The following CD34 variants were observed in gnomAD, a reference collection of about 807,000 sequenced individuals.
The protein encoded by CD34 is CD34 molecule.
Under a neutral mutation model 40.1 loss-of-function variants are expected in CD34, and 34 were observed. The ratio of observed to expected loss-of-function variants is 0.85; its 90% CI spans 0.65 to 1.13. The LOEUF (loss-of-function observed/expected upper bound fraction) is 1.13. Among genes scored for constraint, CD34 ranks in the 50% most tolerant of loss-of-function variants. The probability of loss-of-function intolerance (pLI) is 0.00; values close to 1 mark genes in which losing one functional copy is unlikely to be tolerated. For synonymous variants in CD34, 209 were observed against 190.0 expected, an observed-to-expected ratio of 1.10 and a Z score of -0.82; for missense variants, 426 against 466.9, an observed-to-expected ratio of 0.91 and a Z score of 0.81.
chr1:207,899,187 G>A lies in CD34; in HGVS notation c.302C>T (p.Ser101Leu). ...VKFTSTSVIT[S>L]VYGNTNSSVQ... is the part of the protein sequence containing the mutation. The stretch of plus-strand genomic sequence containing the variant: ...AGAAGAGTTTGTGTTTCCATAAACT[G>A]AGGTTATCACAGAGGTAGATGTGAA... The change falls in exon 3 of 8, where the codon TCA becomes TTA. Residue 101 changes from serine to leucine, a missense_variant. Coordinates refer to ENST00000310833, the MANE Select transcript of CD34 (RefSeq NM_001025109.2). 1 of 1,614,134 alleles carries A rather than the reference G, an allele frequency of 6.2e-7. No individual in the cohort carries two copies. Among genetic ancestry groups the A allele is most frequent in the Non-Finnish European group, 8.5e-7 (1 of 1,179,940 alleles).
At chr1:207,905,507 C>T (rs1344191405) in intron 1 of CD34, among the ~76,000 whole-genome samples, 3 of 152,198 alleles carry the variant, frequency 2.0e-5, no homozygotes, top group African/African-American at 7.2e-5. Context: ...TATATGGCCC[C>T]TAAAGCCTAC....
At position 207,897,777 on chromosome 1, in the gene CD34, A is replaced by G. The variant is rs1175178427; in HGVS notation, c.517-204T>C. ...TCTATTTCATATCTATCCTCATCAG[A>G]TGACAAAACTTTTGTTACTAGCCTG... is the stretch of plus-strand genomic sequence containing the variant. On this transcript the variant is annotated intron_variant, in intron 3 of 7. Transcript: ENST00000310833. 2.0e-5 allele frequency among the ~76,000 whole-genome samples: 3 copies of G among 152,324 alleles called. No individual in the cohort carries two copies. In the East Asian group the frequency reaches 5.8e-4, roughly 29 times the overall value.
rs1477505082 is a variant in CD34 at position 207,883,991 on chromosome 1, T to C, written c.*3747A>G. 1 of 152,240 alleles carries C rather than the reference T, an allele frequency of 6.6e-6. No individual in the cohort carries two copies. The highest frequency in any genetic ancestry group is 1.5e-5 in the Non-Finnish European group (1 of 68,078). The allele number at this position is 152,240 out of a possible 1,614,324, so 9.4% of individuals were successfully genotyped here. A position where few individuals can be genotyped will look rare whatever the true frequency, so the allele number is the denominator to read the frequency against. On this transcript the variant is annotated 3_prime_UTR_variant, in exon 8 of 8. Transcript: ENST00000310833. ...GACTTCTCTGCTCAAAACCCTCCAG[T>C]GGCTTCCCAATCTACAACTAAAAAG...
At chr1:207,904,398 G>T (rs1307399601) in intron 1 of CD34, among the ~76,000 whole-genome samples, 1 of 152,218 alleles carries the variant, frequency 6.6e-6, no homozygotes, top group Admixed American at 6.5e-5. Flanking sequence ...GCCACAGACT[G>T]TATCACCAGG....
At chr1:207,894,175 G>A (rs1662094906) in intron 4 of CD34, among the ~76,000 whole-genome samples, 2 of 152,208 alleles carry the variant, frequency 1.3e-5, no homozygotes, top group South Asian at 4.1e-4. Flanking sequence ...GATGAATGGA[G>A]AAGCAAAACA....
Position 207,884,928 on chromosome 1 carries a change from T to G in CD34, c.*2810A>C, listed in dbSNP as rs1223151169. On this transcript the variant is annotated 3_prime_UTR_variant, in exon 8 of 8. Coordinates refer to ENST00000310833, the MANE Select transcript of CD34 (RefSeq NM_001025109.2). ...ACACTGCCACACTGGCTTCATGACA[T>G]CCAACTGGAGTAACACGGAGGACTC... The G allele has an allele frequency of 1.3e-5, 2 of 152,058 alleles. No homozygotes were observed. Among genetic ancestry groups the G allele is most frequent in the African/African-American group, 4.8e-5 (2 of 41,378 alleles). The allele number at this position is 152,058 out of a possible 1,614,324, so 9.4% of individuals were successfully genotyped here. A position where few individuals can be genotyped will look rare whatever the true frequency, so the allele number is the denominator to read the frequency against.
chr1:207,899,991 A>T lies in CD34; in HGVS notation c.92T>A (p.Met31Lys). ...CLLSLLPSGF[M>K]SLDNNGTATP... is the part of the protein sequence containing the mutation. ...AGCAGTACCGTTGTTGTCAAGACTC[A>T]TGAACCCAGAAGCTATAGGGAAACG... The change falls in exon 2 of 8, where the codon ATG (methionine) becomes AAG (lysine). Residue 31 changes from methionine (M) to lysine (K), a missense_variant. Met to Lys is a moderately conservative substitution (Grantham distance 95). Transcript: ENST00000310833. 6 of 1,609,880 alleles carry T rather than the reference A, an allele frequency of 3.7e-6. No homozygotes were observed. The highest frequency in any genetic ancestry group is 5.1e-6 in the Non-Finnish European group (6 of 1,177,682).
At chr1:207,903,741 C>A (rs1432367124) in intron 1 of CD34, among the ~76,000 whole-genome samples, 2 of 152,150 alleles carry the variant, frequency 1.3e-5, no homozygotes, top group Non-Finnish European at 2.9e-5. Flanking sequence ...TATCTGATAT[C>A]CTAGCTAAAG....
Position 207,911,110 on chromosome 1 carries a change from C to G in CD34, c.-30G>C. ...CCCGCGCGGCTCCTAGAGAGACGCA[C>G]CGAGTGGAAGACACTACTCGGCTTG... is the stretch of plus-strand genomic sequence containing the variant. On this transcript the variant is annotated 5_prime_UTR_variant, in exon 1 of 8. Coordinates refer to ENST00000310833, the MANE Select transcript of CD34 (RefSeq NM_001025109.2). 1 of 1,551,278 alleles carries G rather than the reference C, an allele frequency of 6.4e-7. No homozygotes were observed. Among genetic ancestry groups the G allele is most frequent in the African/African-American group, 1.4e-5 (1 of 73,400 alleles).
intron 2 of CD34, 77 bp downstream of exon 2, chr1:207,899,744 G>T: frequency 2.3e-6 from 3 of 1,287,906 alleles, no homozygotes; most frequent in Non-Finnish European, 3.3e-6. Context: ...AGAGGGGAGC[G>T]GTCTGAAAAC....
Position 207,898,988 on chromosome 1 carries a change from G to A in CD34, c.501C>T (p.Ile167=). The A allele has an allele frequency of 6.2e-7, 1 of 1,614,240 alleles. No individual in the cohort carries two copies. Among genetic ancestry groups the A allele is most frequent in the Non-Finnish European group, 8.5e-7 (1 of 1,180,030 alleles). Residue 167 remains isoleucine (I), a synonymous_variant, in exon 3 of 8, where the codon ATC becomes ATT. Coordinates refer to ENST00000310833, the MANE Select transcript of CD34 (RefSeq NM_001025109.2). ...ATTCACCCACCTTGATGTCACTTAG[G>A]ATAGGAGAAGATGATGTATAGGGTT... is the stretch of plus-strand genomic sequence containing the variant. ...PTKPYTSSSP[I]LSDIKAEIKC...
chr1:207,891,401 A>G (rs1202188404), intron 4 of CD34, among the ~76,000 whole-genome samples: 1 of 152,132 alleles, frequency 6.6e-6, no homozygotes, highest in Non-Finnish European at 1.5e-5. Context: ...ATGGATGCCA[A>G]CCAGGCGCGG....
chr1:207,889,567 C>T lies in CD34; in HGVS notation c.652G>A (p.Glu218Lys), dbSNP rs750625575. Reference sequence around the variant, plus strand: ...GCCCCAGCATCAGCATCAGCCTGCTCCTCCCCACACAGCACTCGGGCCAGG... The same window carrying T: ...GCCCCAGCATCAGCATCAGCCTGCTTCTCCCCACACAGCACTCGGGCCAGG... ...EGLARVLCGE[E>K]QADADAGAQV... The change falls in exon 5 of 8, where the codon GAG becomes AAG. Residue 218 changes from glutamate (E) to lysine (K), a missense_variant. Transcript: ENST00000310833. 15 of 1,614,194 alleles carry T rather than the reference C, an allele frequency of 9.3e-6. No individual in the cohort carries two copies. In the South Asian group the frequency reaches 1.6e-4, roughly 18 times the overall value.
At chr1:207,902,458 T>G (rs559860887) in intron 1 of CD34, among the ~76,000 whole-genome samples, 184 of 152,322 alleles carry the variant, frequency 1.2e-3, no homozygotes, top group Non-Finnish European at 2.2e-3. Flanking sequence ...CTTTCCTGTT[T>G]AGATGGGACC....
At chr1:207,909,169 G>T (rs1662448508) in intron 1 of CD34, among the ~76,000 whole-genome samples, 1 of 152,174 alleles carries the variant, frequency 6.6e-6, no homozygotes, top group Non-Finnish European at 1.5e-5. Context: ...CCCACCAAAA[G>T]CTGGGATATT....
chr1:207,910,685 C>T (rs992551780), intron 1 of CD34, among the ~76,000 whole-genome samples: 10 of 147,212 alleles, frequency 6.8e-5, no homozygotes, highest in Admixed American at 3.3e-4. Context: ...CTTCGCACTC[C>T]GCGCCTCTGG....
At position 207,881,741 on chromosome 1, in the gene CD34, A is replaced by G. The variant is rs1469695710; in HGVS notation, c.*5997T>C. The stretch of plus-strand genomic sequence containing the variant: ...AGATTTACCAAAGTCTAAAACAATG[A>G]CACTCTTTTTCCTAATTGTTTTTGT... On this transcript the variant is annotated 3_prime_UTR_variant, in exon 8 of 8. Coordinates refer to ENST00000310833, the MANE Select transcript of CD34 (RefSeq NM_001025109.2). 1 of 151,794 alleles carries G rather than the reference A, an allele frequency of 6.6e-6. No homozygotes were observed. Among genetic ancestry groups the G allele is most frequent in the Non-Finnish European group, 1.5e-5 (1 of 67,970 alleles). The allele number at this position is 151,794 out of a possible 1,614,324, so 9.4% of individuals were successfully genotyped here.
At position 207,903,992 on chromosome 1, in the gene CD34, C is replaced by CG. The variant is rs11299463; in HGVS notation, c.80-3990dup. Among the ~76,000 whole-genome samples the CG allele has an allele frequency of 1.3e-3, 199 of 151,990 alleles. 1 individual carries two copies. Among genetic ancestry groups the CG allele is most frequent in the Non-Finnish European group, 2.2e-3 (148 of 67,970 alleles). ...TACATCTGAGTCATAAAGTCCTTTT[C>CG]GGGGGGGTATTCTAAGAAAGCAAAG... On this transcript the variant is annotated intron_variant, in intron 1 of 7. Transcript: ENST00000310833.
Position 207,897,555 on chromosome 1 carries a change from C to T in CD34, c.535G>A (p.Gly179Ser). The stretch of plus-strand genomic sequence containing the variant: ...TGAGTCAATTTCACTTCTCTGATGC[C>T]TGAACATTTGATTTCTGCCTGTATT... ...SDIKAEIKCS[G>S]IREVKLTQGI... The change falls in exon 4 of 8, where the codon GGC becomes AGC. Residue 179 changes from glycine to serine, a missense_variant. Physicochemically the swap from Gly to Ser is moderately conservative, Grantham distance 56. Transcript: ENST00000310833. 1 of 1,555,984 alleles carries T rather than the reference C, an allele frequency of 6.4e-7. No homozygotes were observed. Among genetic ancestry groups the T allele is most frequent in the African/African-American group, 1.4e-5 (1 of 73,416 alleles).
Sources: gnomAD v4.1 joint callset for allele counts (sites outside exome capture counted in the v4.1 genomes callset) on GRCh38, gnomAD v4.1.1 for gene constraint, MANE v1.5 for transcripts, NCBI Gene and HGNC (gene_info 2026-07-23, HGNC 2026-07-21) for gene names.